Variants in RTF1 observed in about 807,000 individuals in gnomAD.
RTF1 encodes the protein RNA polymerase-associated protein RTF1 homolog.
A neutral mutation model predicts 95.7 loss-of-function variants in RTF1; 10 were observed. The ratio of observed to expected loss-of-function variants is 0.10; its 90% CI spans 0.06 to 0.18. RTF1 has a LOEUF of 0.18. RTF1 is among the 10% of genes least tolerant of loss of function. The pLI is 1.00. For missense variants in RTF1, 458 were observed against 875.6 expected (o/e 0.52, Z 6.02); for synonymous variants, 305 against 311.8 (o/e 0.98, Z 0.23).
chr15:41,452,687 CTG>C (rs1200386743), intron 2 of RTF1, among the ~76,000 whole-genome samples: 1 of 151,744 alleles, frequency 6.6e-6, no homozygotes, highest in Non-Finnish European at 1.5e-5. Context: ...TGAACCAAGA[CTG>C]TGCCACTGCA....
At position 41,441,686 on chromosome 15, in the gene RTF1, C is replaced by G. The variant is rs534104813; in HGVS notation, c.309+3255C>G. Among the ~76,000 whole-genome samples the G allele has an allele frequency of 7.2e-5, 11 of 152,258 alleles. No individual in the cohort carries two copies. In the South Asian group the frequency reaches 1.9e-3, roughly 26 times the overall value. ...TTAGAACACTACCCAATGATTTGTG[C>G]ACGTATTGGAGAAAAAGCTGACAGC... On this transcript the variant is annotated intron_variant, in intron 2 of 17. Transcript: ENST00000389629.
intron 1 of RTF1, among the ~76,000 whole-genome samples, chr15:41,426,974 TG>T (rs1041023759): frequency 2.7e-5 from 4 of 149,138 alleles, no homozygotes; most frequent in African/African-American, 9.9e-5. Flanking sequence ...GCCAAGCAGC[TG>T]GGATTACAGG....
chr15:41,439,850 C>T (rs1285158205), intron 2 of RTF1, among the ~76,000 whole-genome samples: 3 of 152,048 alleles, frequency 2.0e-5, no homozygotes, highest in Non-Finnish European at 4.4e-5. Flanking sequence ...CAGGGTTTTG[C>T]CACGTTCGCC....
intron 1 of RTF1, among the ~76,000 whole-genome samples, chr15:41,422,208 G>A (rs1268930906): frequency 6.6e-6 from 1 of 150,540 alleles, no homozygotes; most frequent in Non-Finnish European, 1.5e-5. Flanking sequence ...CTAATTTTTT[G>A]TATTTTCAGT....
intron 3 of RTF1, 147 bp from the exon 4 acceptor site, chr15:41,457,525 C>CA (rs947496202): frequency 5.2e-4 from 396 of 755,296 alleles, no homozygotes; most frequent in Non-Finnish European, 6.4e-4. Flanking sequence ...AACTCCATCT[C>CA]AAAAAAAAAG....
At position 41,481,420 on chromosome 15, in the gene RTF1, CTCA is replaced by C. The variant is rs1292031740; in HGVS notation, c.*735_*737del. 1 of 152,512 alleles carries C rather than the reference CTCA, an allele frequency of 6.6e-6. No individual in the cohort carries two copies. The highest frequency in any genetic ancestry group is 2.4e-5 in the African/African-American group (1 of 41,400). 9.4% of individuals were successfully genotyped at this position (152,512 alleles called of 1,614,324 possible). On this transcript the variant is annotated 3_prime_UTR_variant, in exon 18 of 18. Transcript: ENST00000389629. ...AGCATCTGAAACTGCAAGAAAGAAA[CTCA>C]TTAAATGTGATTCTTCTTACTAAAC...
At position 41,452,921 on chromosome 15, in the gene RTF1, A is replaced by C. The variant is rs1360801760; in HGVS notation, c.330A>C (p.Lys110Asn). The C allele has an allele frequency of 1.2e-6, 2 of 1,607,400 alleles. No individual in the cohort carries two copies. The highest frequency in any genetic ancestry group is 1.7e-5 in the Admixed American group (1 of 58,114). Residue 110 changes from lysine (K) to asparagine (N), a missense_variant, in exon 3 of 18, where the codon AAA becomes AAC. By Grantham distance (94) the Lys-to-Asn change is moderately conservative. Around this residue, in one of 11 missense-constraint regions of RTF1, gnomAD observed 44 missense variants for 99.5 expected, o/e 0.44. Coordinates refer to ENST00000389629, the MANE Select transcript of RTF1 (RefSeq NM_015138.5). ...TATAGTGGACATTTGGGAGCAATAA[A>C]AATAAGAAGAAAGGAAAAGCCAGAA... is the stretch of plus-strand genomic sequence containing the variant. ...SDDEWTFGSN[K>N]NKKKGKARKI...
At chr15:41,452,272 C>T (rs925343807) in intron 2 of RTF1, among the ~76,000 whole-genome samples, 14 of 151,824 alleles carry the variant, frequency 9.2e-5, no homozygotes, top group Non-Finnish European at 1.5e-4. Flanking sequence ...CCTGTCTCTA[C>T]AAAAAATACA....
intron 7 of RTF1, among the ~76,000 whole-genome samples, 187 bp from the exon 8 acceptor site, chr15:41,470,985 T>C (rs998765516): frequency 2.6e-5 from 4 of 152,182 alleles, no homozygotes; most frequent in Admixed American, 2.6e-4. Flanking sequence ...GCAGCCTCAT[T>C]TGAAACAGCT....
intron 2 of RTF1, among the ~76,000 whole-genome samples, chr15:41,442,313 G>A (rs960621528): frequency 1.3e-5 from 2 of 151,644 alleles, no homozygotes; most frequent in Non-Finnish European, 2.9e-5. Flanking sequence ...GACTACAGGC[G>A]CTCACCACCA....
At chr15:41,445,013 G>A (rs892627987) in intron 2 of RTF1, among the ~76,000 whole-genome samples, 1 of 151,982 alleles carries the variant, frequency 6.6e-6, no homozygotes, top group Non-Finnish European at 1.5e-5. Context: ...CTCACTCCAA[G>A]CTCCACCTCC....
At chr15:41,433,843 CTTTTTT>C (rs11326489) in intron 1 of RTF1, among the ~76,000 whole-genome samples, 2 of 126,080 alleles carry the variant, frequency 1.6e-5, no homozygotes, top group South Asian at 2.5e-4. Flanking sequence ...TGCTACCACA[CTTTTTT>C]TTTTTTTTTT....
intron 4 of RTF1, among the ~76,000 whole-genome samples, chr15:41,462,271 C>T (rs1738389518): frequency 6.6e-6 from 1 of 152,060 alleles, no homozygotes; most frequent in Non-Finnish European, 1.5e-5. Flanking sequence ...TATGTAAGCA[C>T]CATTAGCATC....
chr15:41,480,437 G>A (rs1595442511), intron 17 of RTF1, 112 bp downstream of exon 17: 3 of 966,438 alleles, frequency 3.1e-6, no homozygotes, highest in East Asian at 4.9e-5. Context: ...TGGCTCATCA[G>A]CATCCACAGG....
intron 12 of RTF1, 21 bp from the exon 13 acceptor site, chr15:41,477,144 C>T: frequency 1.2e-6 from 2 of 1,614,122 alleles, no homozygotes; most frequent in Non-Finnish European, 1.7e-6. Context: ...AGAACGAACT[C>T]ACACATCTCT....
intron 8 of RTF1, 84 bp downstream of exon 8, chr15:41,471,433 A>G: frequency 7.3e-7 from 1 of 1,367,660 alleles, no homozygotes; most frequent in African/African-American, 1.4e-5. Flanking sequence ...GAAAAAATCG[A>G]TCACTCTTCT....
intron 1 of RTF1, among the ~76,000 whole-genome samples, chr15:41,437,340 A>C (rs2050709724): frequency 7.0e-6 from 1 of 143,000 alleles, no homozygotes; most frequent in Non-Finnish European, 1.5e-5. Context: ...CTAAAAATAC[A>C]AAAAAAAAAA....
At position 41,480,752 on chromosome 15, in the gene RTF1, C is replaced by T; in HGVS notation, c.*65C>T. On this transcript the variant is annotated 3_prime_UTR_variant, in exon 18 of 18. Coordinates refer to ENST00000389629, the MANE Select transcript of RTF1 (RefSeq NM_015138.5). ...CGCAGCGTCCCACCTTTCCTCCTTT[C>T]CTTTGATTTAGCCTCTTTGGGCTGG... The T allele has an allele frequency of 8.3e-7, 1 of 1,198,852 alleles. No individual in the cohort carries two copies. The highest frequency in any genetic ancestry group is 1.2e-6 in the Non-Finnish European group (1 of 806,262). The allele number at this position is 1,198,852 out of a possible 1,614,324, so 74.3% of individuals were successfully genotyped here. A position where few individuals can be genotyped will look rare whatever the true frequency, so the allele number is the denominator to read the frequency against.
At chr15:41,436,202 A>G (rs2050701218) in intron 1 of RTF1, among the ~76,000 whole-genome samples, 1 of 151,454 alleles carries the variant, frequency 6.6e-6, no homozygotes, top group African/African-American at 2.4e-5. Flanking sequence ...CTGTAATCCT[A>G]GCACTCTGGG....
Sources: gnomAD v4.1 joint callset for allele counts (sites outside exome capture counted in the v4.1 genomes callset) on GRCh38, gnomAD v4.1.1 for gene constraint, gnomAD v4.1.1 regional missense constraint, MANE v1.5 for transcripts, NCBI Gene and HGNC (gene_info 2026-07-23, HGNC 2026-07-21) for gene names.